Variants in MAGI2 observed in about 807,000 individuals in gnomAD.
The protein encoded by MAGI2 is membrane associated guanylate kinase, WW and PDZ domain containing 2.
Under a neutral mutation model 133.3 loss-of-function variants are expected in MAGI2, and 35 were observed. The observed-to-expected ratio is 0.26, with a 90% CI of 0.20 to 0.35. The LOEUF (loss-of-function observed/expected upper bound fraction) is 0.35, where lower values mean the gene tolerates loss of function less well. Among genes scored for constraint, MAGI2 ranks in the 10% least tolerant of loss-of-function variants. MAGI2 has a pLI of 1.00. For missense variants in MAGI2, 1,636 were observed against 1,863.4 expected (o/e 0.88, Z 2.25); for synonymous variants, 729 against 710.6 (o/e 1.03, Z -0.41).
intron 3 of MAGI2, among the ~76,000 whole-genome samples, chr7:78,532,531 T>C (rs964795334): frequency 9.2e-5 from 14 of 152,336 alleles, no homozygotes; most frequent in African/African-American, 3.4e-4. Flanking sequence ...CTATGATTAC[T>C]TTGTGGAAGG....
At chr7:78,845,982 C>T (rs1172964682) in intron 2 of MAGI2, among the ~76,000 whole-genome samples, 2 of 151,764 alleles carry the variant, frequency 1.3e-5, no homozygotes, top group Non-Finnish European at 2.9e-5. Flanking sequence ...TCAGGTAAAA[C>T]CGTTGGTAGT....
chr7:78,801,498 C>T (rs2151386491), intron 2 of MAGI2, among the ~76,000 whole-genome samples: 1 of 152,246 alleles, frequency 6.6e-6, no homozygotes, highest in South Asian at 2.1e-4. Context: ...GTCTACCAAC[C>T]ATCCAAAAGT....
intron 6 of MAGI2, among the ~76,000 whole-genome samples, chr7:78,395,221 A>C (rs1307967652): frequency 1.3e-5 from 2 of 152,212 alleles, no homozygotes; most frequent in Non-Finnish European, 1.5e-5. Context: ...AACAAAAAAG[A>C]AAGCAGAAAG....
chr7:79,167,585 C>CG (rs1825071649), intron 1 of MAGI2, among the ~76,000 whole-genome samples: 1 of 151,940 alleles, frequency 6.6e-6, no homozygotes, highest in African/African-American at 2.4e-5. Flanking sequence ...CTTTTCAATT[C>CG]ATTGTTACGT....
chr7:78,766,068 G>A (rs777095142), intron 2 of MAGI2, among the ~76,000 whole-genome samples: 14 of 152,164 alleles, frequency 9.2e-5, no homozygotes, highest in Non-Finnish European at 1.8e-4. Flanking sequence ...TCCTTAGCTC[G>A]GCATTTGAGC....
intron 1 of MAGI2, among the ~76,000 whole-genome samples, chr7:79,061,968 G>C (rs962386787): frequency 9.9e-5 from 15 of 152,054 alleles, no homozygotes; most frequent in African/African-American, 3.6e-4. Context: ...TGTCATTTCT[G>C]TGAGAATTAA....
In MAGI2 at chr7:79,409,938, A is replaced by G. The variant is rs901738875; in HGVS notation, c.301+43082T>C. 4 of 152,170 alleles carry G rather than the reference A, an allele frequency of 2.6e-5. No individual in the cohort carries two copies. The East Asian group carries it at 7.7e-4, about 29-fold the overall frequency. 9.4% of individuals were successfully genotyped at this position (152,170 alleles called of 1,614,324 possible). ...TTTAGCTGTTTGACATATGTTAGACATGGCCAAATATAAAATACATACTTT... is the reference window on the plus strand; with the variant it reads ...TTTAGCTGTTTGACATATGTTAGACGTGGCCAAATATAAAATACATACTTT... On this transcript the variant is annotated intron_variant, in intron 1 of 21. Transcript: ENST00000354212.
intron 2 of MAGI2, among the ~76,000 whole-genome samples, chr7:78,823,269 T>C (rs1790283604): frequency 1.3e-5 from 2 of 152,058 alleles, no homozygotes; most frequent in African/African-American, 2.4e-5. Flanking sequence ...GGGTTGATAG[T>C]CTAAAAAAAT....
rs1022796766 is a variant in MAGI2, at chr7:78,019,048, G to A, written c.*267C>T. On this transcript the variant is annotated 3_prime_UTR_variant, in exon 22 of 22. Transcript: ENST00000354212. ...TAAAGCTACACTGCACTGTCTCTCTGTGATGTTCTTCACGTTATTTTGGTT... is the reference window on the plus strand; with the variant it reads ...TAAAGCTACACTGCACTGTCTCTCTATGATGTTCTTCACGTTATTTTGGTT... 6.7e-6 allele frequency: 3 copies of A among 446,526 alleles called. No individual in the cohort carries two copies. Among genetic ancestry groups the A allele is most frequent in the Non-Finnish European group, 1.2e-5 (3 of 253,300 alleles). 27.7% of individuals were successfully genotyped at this position (446,526 alleles called of 1,614,324 possible).
At chr7:78,191,513 C>T (rs1828208814) in intron 12 of MAGI2, among the ~76,000 whole-genome samples, 1 of 152,184 alleles carries the variant, frequency 6.6e-6, no homozygotes, top group South Asian at 2.1e-4. Context: ...GGTTATTTTT[C>T]ATAACTTCTC....
chr7:78,410,540 C>T (rs972723888), intron 6 of MAGI2, among the ~76,000 whole-genome samples: 23 of 152,140 alleles, frequency 1.5e-4, no homozygotes, highest in African/African-American at 5.3e-4. Flanking sequence ...AAATTAGTCT[C>T]AGTAACTATG....
intron 1 of MAGI2, among the ~76,000 whole-genome samples, chr7:79,212,669 G>C (rs1363222994): frequency 6.6e-6 from 1 of 152,050 alleles, no homozygotes; most frequent in Non-Finnish European, 1.5e-5. Context: ...AGAGGAGCTT[G>C]TCTAATTTAT....
chr7:78,483,910 G>A (rs1792694202), intron 6 of MAGI2, among the ~76,000 whole-genome samples: 1 of 151,890 alleles, frequency 6.6e-6, no homozygotes, highest in South Asian at 2.1e-4. Context: ...ATCTTTTTAT[G>A]AGTTCTTCCT....
At chr7:78,449,192 C>T (rs1341583211) in intron 6 of MAGI2, among the ~76,000 whole-genome samples, 1 of 151,958 alleles carries the variant, frequency 6.6e-6, no homozygotes, top group African/African-American at 2.4e-5. Context: ...GTGTAGGCCC[C>T]TGAGCACCAG....
At chr7:78,708,119 C>G (rs1818830218) in intron 2 of MAGI2, among the ~76,000 whole-genome samples, 1 of 152,054 alleles carries the variant, frequency 6.6e-6, no homozygotes, top group Non-Finnish European at 1.5e-5. Context: ...CTGATGGGGA[C>G]TGACAAGGCT....
chr7:78,547,692 A>G (rs984799875), intron 3 of MAGI2, among the ~76,000 whole-genome samples: 2 of 152,384 alleles, frequency 1.3e-5, no homozygotes, highest in Middle Eastern at 3.4e-3. Context: ...CAATTTAAAC[A>G]TGCCAACTCA....
At chr7:79,021,513 T>C (rs1445297054) in intron 1 of MAGI2, among the ~76,000 whole-genome samples, 1 of 152,208 alleles carries the variant, frequency 6.6e-6, no homozygotes, top group Non-Finnish European at 1.5e-5. Context: ...ATTTTAGAAC[T>C]TTAAGGTTTA....
chr7:78,277,109 T>C (rs1191102083), intron 9 of MAGI2, among the ~76,000 whole-genome samples: 1 of 152,210 alleles, frequency 6.6e-6, no homozygotes, highest in African/African-American at 2.4e-5. Flanking sequence ...ATTAGTTTGA[T>C]GTATTTTTGT....
chr7:78,082,634 A>G (rs1275593907), intron 20 of MAGI2, among the ~76,000 whole-genome samples: 1 of 152,178 alleles, frequency 6.6e-6, no homozygotes, highest in Non-Finnish European at 1.5e-5. Context: ...TTTTGGAGCA[A>G]CGGAAGTTTG....
Sources: allele counts gnomAD v4.1 joint callset (sites outside exome capture counted in the v4.1 genomes callset), GRCh38; gene constraint gnomAD v4.1.1; transcripts MANE v1.5; gene names NCBI Gene and HGNC (gene_info 2026-07-23, HGNC 2026-07-21).